Variants in ENTREP2 observed in about 807,000 individuals in gnomAD.
The protein encoded by ENTREP2 is endosomal transmembrane epsin interactor 2.
the ENTREP2 span, among the ~76,000 whole-genome samples, chr15:29,580,303 A>G: frequency 1.3e-5 from 2 of 152,196 alleles, no homozygotes; most frequent in African/African-American, 4.8e-5. Context: ...TTAGTGTCAC[A>G]CTGCCTTAGT....
chr15:29,430,094 G>A, the ENTREP2 span, among the ~76,000 whole-genome samples: 1 of 152,208 alleles, frequency 6.6e-6, no homozygotes, highest in Non-Finnish European at 1.5e-5. Context: ...ACCTGGGAAT[G>A]GAGGAAGCGG....
At chr15:29,534,639 T>G in the ENTREP2 span, among the ~76,000 whole-genome samples, 1 of 152,154 alleles carries the variant, frequency 6.6e-6, no homozygotes, top group South Asian at 2.1e-4. Context: ...TATTGTTAAG[T>G]AGGAGATGAG....
At chr15:29,171,792 AG>A in the ENTREP2 span, among the ~76,000 whole-genome samples, 1 of 152,206 alleles carries the variant, frequency 6.6e-6, no homozygotes, top group African/African-American at 2.4e-5. Flanking sequence ...AAAAGAAAAA[AG>A]AAAAAGATCA....
At chr15:29,138,163 T>C in the ENTREP2 span, among the ~76,000 whole-genome samples, 1 of 152,198 alleles carries the variant, frequency 6.6e-6, no homozygotes, top group African/African-American at 2.4e-5. Flanking sequence ...TGTAAAACAC[T>C]GCTCTGAGGA....
the ENTREP2 span, among the ~76,000 whole-genome samples, chr15:29,134,221 C>A: frequency 6.6e-6 from 1 of 152,220 alleles, no homozygotes; most frequent in Admixed American, 6.5e-5. Flanking sequence ...GAGGTCCCAG[C>A]TCAGCTTTAT....
the ENTREP2 span, among the ~76,000 whole-genome samples, chr15:29,217,015 G>T: frequency 1.1e-4 from 16 of 152,146 alleles, no homozygotes; most frequent in African/African-American, 3.9e-4. Flanking sequence ...AGGAAGGGGG[G>T]GTCTAGTTAA....
At chr15:29,181,819 G>T in the ENTREP2 span, among the ~76,000 whole-genome samples, 4 of 152,078 alleles carry the variant, frequency 2.6e-5, no homozygotes, top group Non-Finnish European at 5.9e-5. Context: ...AACAAAATGG[G>T]ATTCCCTTCA....
chr15:29,636,207 G>A, the ENTREP2 span, among the ~76,000 whole-genome samples: 1 of 152,198 alleles, frequency 6.6e-6, no homozygotes, highest in Non-Finnish European at 1.5e-5. Context: ...CGTCGCGTGT[G>A]GCCATTGGGA....
the ENTREP2 span, among the ~76,000 whole-genome samples, chr15:29,186,162 C>T: frequency 6.6e-6 from 1 of 152,160 alleles, no homozygotes; most frequent in African/African-American, 2.4e-5. Flanking sequence ...CATCTTCGAC[C>T]ATGTGGTGTG....
At chr15:29,364,240 G>GT in the ENTREP2 span, among the ~76,000 whole-genome samples, 5 of 152,094 alleles carry the variant, frequency 3.3e-5, no homozygotes, top group African/African-American at 7.2e-5. Context: ...ATGGAAAGAG[G>GT]TTTTTTTGGT....
chr15:29,294,191 A>G, the ENTREP2 span, among the ~76,000 whole-genome samples: 4 of 152,192 alleles, frequency 2.6e-5, no homozygotes, highest in Non-Finnish European at 5.9e-5. Context: ...GGGCCCAGGA[A>G]TGAGGAAACA....
At chr15:29,350,512 T>TA in the ENTREP2 span, among the ~76,000 whole-genome samples, 1 of 152,354 alleles carries the variant, frequency 6.6e-6, no homozygotes, top group East Asian at 1.9e-4. Flanking sequence ...ATGTATGCAT[T>TA]TACTTTGATT....
At chr15:29,566,119 AT>A in the ENTREP2 span, among the ~76,000 whole-genome samples, 1 of 151,898 alleles carries the variant, frequency 6.6e-6, no homozygotes, top group Non-Finnish European at 1.5e-5. Flanking sequence ...AAAGCTATAC[AT>A]TGTTTGTGTG....
the ENTREP2 span, among the ~76,000 whole-genome samples, chr15:29,483,370 T>C: frequency 5.3e-5 from 8 of 152,362 alleles, no homozygotes; most frequent in African/African-American, 1.9e-4. Flanking sequence ...CTTTCATGTA[T>C]TGTCCCTCTG....
At chr15:29,598,887 G>T in the ENTREP2 span, among the ~76,000 whole-genome samples, 2 of 152,054 alleles carry the variant, frequency 1.3e-5, no homozygotes, top group Non-Finnish European at 2.9e-5. Context: ...TAGTAGAGAC[G>T]GGGTTTCACC....
the ENTREP2 span, among the ~76,000 whole-genome samples, chr15:29,650,019 C>T: frequency 1.3e-5 from 2 of 152,100 alleles, no homozygotes; most frequent in African/African-American, 2.4e-5. Context: ...TGGTGGGACA[C>T]AGGTCTGAGC....
At chr15:29,298,126 T>C in the ENTREP2 span, among the ~76,000 whole-genome samples, 6 of 152,118 alleles carry the variant, frequency 3.9e-5, no homozygotes, top group Admixed American at 2.6e-4. Context: ...AGAAAACCTA[T>C]GTTCACAAAT....
the ENTREP2 span, among the ~76,000 whole-genome samples, chr15:29,304,747 T>TC: frequency 6.7e-6 from 1 of 150,134 alleles, no homozygotes; most frequent in African/African-American, 2.4e-5. Flanking sequence ...TCCTCTATGA[T>TC]CCCCTCTCTT....
At chr15:29,231,885 C>CTTT in the ENTREP2 span, among the ~76,000 whole-genome samples, 118 of 129,932 alleles carry the variant, frequency 9.1e-4, 5 homozygotes, top group East Asian at 1.5e-3. Context: ...GTTTTCTTTT[C>CTTT]TTTTCTTTCT....
Sources: allele counts gnomAD v4.1 joint callset (sites outside exome capture counted in the v4.1 genomes callset), GRCh38; gene constraint gnomAD v4.1.1; transcripts MANE v1.5; gene names NCBI Gene and HGNC (gene_info 2026-07-23, HGNC 2026-07-21).